The following CSE1L variants were observed in gnomAD, a reference collection of about 807,000 sequenced individuals.
CSE1L encodes exportin-2.
Under a neutral mutation model 120.4 loss-of-function variants are expected in CSE1L, and 24 were observed. The observed-to-expected ratio is 0.20, with a 90% CI of 0.14 to 0.28. The LOEUF (loss-of-function observed/expected upper bound fraction) is 0.28. Ranked by LOEUF, CSE1L falls within the 10% of genes least tolerant of loss-of-function variation. The pLI, the probability that CSE1L is intolerant of heterozygous loss-of-function variation, is 1.00. For synonymous variants in CSE1L, 402 were observed against 398.3 expected (o/e 1.01, Z -0.11); for missense variants, 830 against 1,145.2 (o/e 0.72, Z 3.97).
rs762751406 is a variant in CSE1L at position 49,089,770 on chromosome 20, G to A, written c.2181+24G>A. The A allele has an allele frequency of 5.6e-6, 9 of 1,604,806 alleles. No individual in the cohort carries two copies. In the Admixed American group the frequency reaches 1.5e-4, roughly 27 times the overall value. On this transcript the variant is annotated intron_variant, in intron 19 of 24. Coordinates refer to ENST00000262982, the MANE Select transcript of CSE1L (RefSeq NM_001316.4). ...TTGTGCGTCAGGTTTTGATATAACTGTAATTTTATAAAGTAGCTTGGAGAA... is the reference window on the plus strand; with the variant it reads ...TTGTGCGTCAGGTTTTGATATAACTATAATTTTATAAAGTAGCTTGGAGAA...
At chr20:49,092,178 T>C (rs756364440) in intron 22 of CSE1L, 51 bp downstream of exon 22, 1 of 1,028,110 alleles carries the variant, frequency 9.7e-7, no homozygotes, top group Non-Finnish European at 1.5e-6. Context: ...TTGACTTTTT[T>C]TTTAGTACAA....
intron 14 of CSE1L, among the ~76,000 whole-genome samples, chr20:49,082,961 G>A (rs1305698126): frequency 6.6e-6 from 1 of 151,468 alleles, no homozygotes; most frequent in Non-Finnish European, 1.5e-5. Context: ...ATGGGATTAC[G>A]GGCATGCTCC....
chr20:49,094,011 A>G, intron 22 of CSE1L, 129 bp from the exon 23 acceptor site: 2 of 627,532 alleles, frequency 3.2e-6, no homozygotes, highest in Non-Finnish European at 5.3e-6. Flanking sequence ...GTCTCTTCAG[A>G]TGATCAAAAA....
Position 49,096,593 on chromosome 20 carries a change from G to A in CSE1L, c.*155G>A. The A allele has an allele frequency of 4.7e-6, 3 of 640,978 alleles. No individual in the cohort carries two copies. Among genetic ancestry groups the A allele is most frequent in the Non-Finnish European group, 8.1e-6 (3 of 368,710 alleles). 39.7% of individuals were successfully genotyped at this position (640,978 alleles called of 1,614,324 possible). The stretch of plus-strand genomic sequence containing the variant: ...TAAATGTTGCTTTAACCTGAACCTT[G>A]AGCAAATTAGTTGGTTTGTGTGATC... On this transcript the variant is annotated 3_prime_UTR_variant, in exon 25 of 25. Coordinates refer to ENST00000262982, the MANE Select transcript of CSE1L (RefSeq NM_001316.4).
At chr20:49,067,408 A>G in intron 6 of CSE1L, 128 bp downstream of exon 6, 2 of 579,286 alleles carry the variant, frequency 3.5e-6, no homozygotes. Context: ...CTTTTGAAAA[A>G]TTTCAAACCT....
At position 49,056,109 on chromosome 20, in the gene CSE1L, T is replaced by C. The variant is rs146600031; in HGVS notation, c.-11-2344T>C. On this transcript the variant is annotated intron_variant, in intron 1 of 24. Transcript: ENST00000262982. ...TAAGCATAAGTGGAGTTTTCTAAAATCGCTTTTTTTTTTTTTGGAGACAAA... is the reference window on the plus strand; with the variant it reads ...TAAGCATAAGTGGAGTTTTCTAAAACCGCTTTTTTTTTTTTTGGAGACAAA... Among the ~76,000 whole-genome samples the C allele has an allele frequency of 1.1e-4, 16 of 152,016 alleles. No homozygotes were observed. In the East Asian group the frequency reaches 2.9e-3, roughly 28 times the overall value.
intron 1 of CSE1L, among the ~76,000 whole-genome samples, chr20:49,047,596 A>G (rs1257174173): frequency 2.5e-5 from 1 of 40,290 alleles, no homozygotes; most frequent in Non-Finnish European, 4.5e-5. Flanking sequence ...TTTTTTTGAG[A>G]GAGAGAGTCT....
chr20:49,070,341 A>C, intron 8 of CSE1L, 44 bp downstream of exon 8: 1 of 936,848 alleles, frequency 1.1e-6, no homozygotes, highest in South Asian at 1.5e-5. Flanking sequence ...TTCTTTCATT[A>C]AGAGTTATTT....
In CSE1L at chr20:49,084,147, C is replaced by A. The variant is rs1439782338; in HGVS notation, c.1604C>A (p.Pro535His). Residue 535 changes from proline to histidine, a missense_variant, in exon 15 of 25, where the codon CCT becomes CAT. Pro to His is a moderately conservative substitution (Grantham distance 77, BLOSUM62 -2). Transcript: ENST00000262982. ...GAACGGCTCTTTACTATGCGAGGGCCTAACAATGCCACTCTGTGAGTATTT... is the reference window on the plus strand; with the variant it reads ...GAACGGCTCTTTACTATGCGAGGGCATAACAATGCCACTCTGTGAGTATTT... ...ALERLFTMRGPNNATLFTAAE... is the reference protein window; with the variant it reads ...ALERLFTMRGHNNATLFTAAE... 6.2e-7 allele frequency: 1 copy of A among 1,613,952 alleles called. No homozygotes were observed. Among genetic ancestry groups the A allele is most frequent in the East Asian group, 2.2e-5 (1 of 44,872 alleles).
chr20:49,054,292 G>A (rs546094260), intron 1 of CSE1L, among the ~76,000 whole-genome samples: 1 of 152,330 alleles, frequency 6.6e-6, no homozygotes, highest in African/African-American at 2.4e-5. Flanking sequence ...TTAGAAGGTT[G>A]GGGTTTCTGG....
At chr20:49,051,961 GC>G (rs2091769383) in intron 1 of CSE1L, among the ~76,000 whole-genome samples, 1 of 152,150 alleles carries the variant, frequency 6.6e-6, no homozygotes. Context: ...CTTCCAAAGC[GC>G]TGGGATTACA....
intron 12 of CSE1L, among the ~76,000 whole-genome samples, chr20:49,076,720 G>A (rs1360163420): frequency 1.3e-5 from 2 of 151,028 alleles, no homozygotes; most frequent in African/African-American, 2.4e-5. Context: ...TAGTAGAGAC[G>A]GGGTTTTGCC....
chr20:49,093,124 A>G (rs901616659), intron 22 of CSE1L, among the ~76,000 whole-genome samples: 2 of 152,232 alleles, frequency 1.3e-5, no homozygotes, highest in Non-Finnish European at 2.9e-5. Flanking sequence ...CAAAAATTCT[A>G]CATTGACTAA....
At chr20:49,065,612 T>TTTTTG (rs1388898035) in intron 3 of CSE1L, among the ~76,000 whole-genome samples, 2 of 140,416 alleles carry the variant, frequency 1.4e-5, no homozygotes, top group Non-Finnish European at 3.1e-5. Context: ...TTTTTTTTTT[T>TTTTTG]GAGACAGAGT....
intron 2 of CSE1L, among the ~76,000 whole-genome samples, chr20:49,061,663 C>T (rs1006089155): frequency 6.6e-6 from 1 of 151,752 alleles, no homozygotes; most frequent in East Asian, 1.9e-4. Context: ...CCACCACACC[C>T]GGCTAATTTT....
chr20:49,077,153 C>CTTTTTTTTTTTTTTTT (rs11439721), intron 13 of CSE1L, 89 bp downstream of exon 13: 1 of 380,896 alleles, frequency 2.6e-6, no homozygotes, highest in African/African-American at 2.6e-5. Flanking sequence ...CCCTTTTGTT[C>CTTTTTTTTTTTTTTTT]TTTTTTTTTT....
At chr20:49,072,768 T>A in intron 10 of CSE1L, 71 bp downstream of exon 10, 1 of 1,372,938 alleles carries the variant, frequency 7.3e-7, no homozygotes, top group Non-Finnish European at 9.8e-7. Flanking sequence ...ATATTCAGTC[T>A]AATTCATTTA....
At position 49,066,200 on chromosome 20, in the gene CSE1L, T is replaced by C. The variant is rs2091890883; in HGVS notation, c.237T>C (p.Asp79=). ...TACTGCTTTGCTTTTAGGTTGAAGA[T>C]GAACCAAACAAAATTTGTGAAGCCG... The part of the protein sequence containing the change: ...YIKRNWRIVE[D]EPNKICEADR... The change falls in exon 4 of 25, where the codon GAT becomes GAC. Residue 79 remains aspartate, a synonymous_variant. Coordinates refer to ENST00000262982, the MANE Select transcript of CSE1L (RefSeq NM_001316.4). 1.2e-6 allele frequency: 2 copies of C among 1,614,170 alleles called. No homozygotes were observed. Among genetic ancestry groups the C allele is most frequent in the African/African-American group, 2.7e-5 (2 of 75,064 alleles).
At chr20:49,082,053 TTA>T (rs1274999318) in intron 14 of CSE1L, among the ~76,000 whole-genome samples, 2 of 152,312 alleles carry the variant, frequency 1.3e-5, no homozygotes, top group African/African-American at 4.8e-5. Context: ...CACTACGCAT[TTA>T]TGTTTCTGCA....
Sources: gnomAD v4.1 joint callset for allele counts (sites outside exome capture counted in the v4.1 genomes callset) on GRCh38, gnomAD v4.1.1 for gene constraint, MANE v1.5 for transcripts, NCBI Gene and HGNC (gene_info 2026-07-23, HGNC 2026-07-21) for gene names.